Variants in BAIAP2L1 observed in about 807,000 individuals in gnomAD.
The protein encoded by BAIAP2L1 is BAR/IMD domain containing adaptor protein 2 like 1.
Under a neutral mutation model 66.3 loss-of-function variants are expected in BAIAP2L1, and 35 were observed. The ratio of observed to expected loss-of-function variants is 0.53; its 90% confidence interval spans 0.40 to 0.70. The LOEUF (loss-of-function observed/expected upper bound fraction) is 0.70. BAIAP2L1 is among the 30% of genes least tolerant of loss of function. BAIAP2L1 has a pLI of 0.00. For missense variants in BAIAP2L1, 622 were observed against 656.9 expected, an observed-to-expected ratio of 0.95 and a Z score of 0.58; for synonymous variants, 269 against 248.7, an observed-to-expected ratio of 1.08 and a Z score of -0.77.
chr7:98,400,714 G>A, intron 1 of BAIAP2L1, 88 bp downstream of exon 1: 1 of 1,434,254 alleles, frequency 7.0e-7, no homozygotes. Context: ...GAGCTGGAGG[G>A]AGGGAAAGTA....
At chr7:98,400,711 A>AG (rs1409407094) in intron 1 of BAIAP2L1, 91 bp downstream of exon 1, 9 of 1,406,352 alleles carry the variant, frequency 6.4e-6, no homozygotes, top group Non-Finnish European at 8.8e-6. Context: ...GGGGAGCTGG[A>AG]GGGAGGGAAA....
At chr7:98,345,592 G>A (rs1286146492) in intron 3 of BAIAP2L1, among the ~76,000 whole-genome samples, 1 of 152,064 alleles carries the variant, frequency 6.6e-6, no homozygotes, top group Non-Finnish European at 1.5e-5. Context: ...GGGTGTGGTG[G>A]GGGGGTACTG....
intron 3 of BAIAP2L1, among the ~76,000 whole-genome samples, chr7:98,330,211 A>T (rs542694864): frequency 4.3e-4 from 65 of 152,322 alleles, no homozygotes; most frequent in African/African-American, 1.3e-3. Context: ...TCAGACAGAG[A>T]ACTAACCACC....
At chr7:98,303,292 G>A (rs1400671000) in intron 12 of BAIAP2L1, among the ~76,000 whole-genome samples, 2 of 152,066 alleles carry the variant, frequency 1.3e-5, no homozygotes, top group Non-Finnish European at 2.9e-5. Context: ...CTAAGGCCCC[G>A]GACACAAGGT....
rs1799982005 is a variant in BAIAP2L1 at position 98,292,081 on chromosome 7, A to G, written c.*1440T>C. On this transcript the variant is annotated 3_prime_UTR_variant, in exon 14 of 14. Coordinates refer to ENST00000005260, the MANE Select transcript of BAIAP2L1 (RefSeq NM_018842.5). Reference sequence around the variant, plus strand: ...GGGGTGCCTGGTTTGTCCTCCCAGGAGAAGCAGATGGTAACACTGCTGGAC... The same window carrying G: ...GGGGTGCCTGGTTTGTCCTCCCAGGGGAAGCAGATGGTAACACTGCTGGAC... 1 of 153,804 alleles carries G rather than the reference A, an allele frequency of 6.5e-6. No individual in the cohort carries two copies. The highest frequency in any genetic ancestry group is 2.0e-4 in the South Asian group (1 of 5,006). The allele number at this position is 153,804 out of a possible 1,614,324, so 9.5% of individuals were successfully genotyped here.
chr7:98,371,797 CTT>C (rs201576582), intron 1 of BAIAP2L1, among the ~76,000 whole-genome samples: 32 of 140,190 alleles, frequency 2.3e-4, no homozygotes, highest in Non-Finnish European at 3.8e-4. Flanking sequence ...CTTTTAGTTT[CTT>C]TTTTTTTTTT....
intron 1 of BAIAP2L1, 46 bp from the exon 2 acceptor site, chr7:98,362,478 C>G (rs892814323): frequency 1.3e-6 from 2 of 1,541,312 alleles, no homozygotes; most frequent in Non-Finnish European, 1.8e-6. Flanking sequence ...AAAAAATAAA[C>G]CAAGTCATCT....
chr7:98,326,492 G>A (rs1055827691), intron 3 of BAIAP2L1, among the ~76,000 whole-genome samples: 12 of 152,230 alleles, frequency 7.9e-5, no homozygotes, highest in African/African-American at 2.2e-4. Flanking sequence ...ACTAACTAGC[G>A]GGTATGCCAC....
At position 98,388,989 on chromosome 7, in the gene BAIAP2L1, A is replaced by G. The variant is rs555262786; in HGVS notation, c.51+11813T>C. Among the ~76,000 whole-genome samples, 13 of 151,722 alleles carry G rather than the reference A, an allele frequency of 8.6e-5. 1 individual carries two copies. Among genetic ancestry groups the G allele is most frequent in the South Asian group, 2.1e-4 (1 of 4,808 alleles). ...TAAGAAATTAAAAAAAAAAAACAAA[A>G]AACAAACCATTCAAGTTTTATCCAA... On this transcript the variant is annotated intron_variant, in intron 1 of 13. Transcript: ENST00000005260.
intron 3 of BAIAP2L1, among the ~76,000 whole-genome samples, chr7:98,353,952 ACT>A (rs1192892211): frequency 2.1e-5 from 3 of 145,232 alleles, no homozygotes; most frequent in Non-Finnish European, 4.5e-5. Flanking sequence ...ACAGAGCAAG[ACT>A]CTGTCTCAAT....
Position 98,376,169 on chromosome 7 carries a change from T to C in BAIAP2L1, c.52-13737A>G, listed in dbSNP as rs571163342. Among the ~76,000 whole-genome samples the C allele has an allele frequency of 5.9e-5, 9 of 152,278 alleles. No homozygotes were observed. In the South Asian group the frequency reaches 1.9e-3, roughly 32 times the overall value. On this transcript the variant is annotated intron_variant, in intron 1 of 13. Coordinates refer to ENST00000005260, the MANE Select transcript of BAIAP2L1 (RefSeq NM_018842.5). ...CTACACGGTATCCCTTTATGATGGTTTAAGTGTCCACGTAGCAAAGCTACA... is the reference window on the plus strand; with the variant it reads ...CTACACGGTATCCCTTTATGATGGTCTAAGTGTCCACGTAGCAAAGCTACA...
rs1405987585 is a variant in BAIAP2L1, at chr7:98,377,767, C to G, written c.52-15335G>C. On this transcript the variant is annotated intron_variant, in intron 1 of 13. Coordinates refer to ENST00000005260, the MANE Select transcript of BAIAP2L1 (RefSeq NM_018842.5). ...TCAGGAGGCAGAGGCTGCAGTGAGCCAGTATCTCACCACTGACTCTCCAGC... is the reference window on the plus strand; with the variant it reads ...TCAGGAGGCAGAGGCTGCAGTGAGCGAGTATCTCACCACTGACTCTCCAGC... 2.3e-5 allele frequency among the ~76,000 whole-genome samples: 3 copies of G among 132,514 alleles called. No individual in the cohort carries two copies. In the South Asian group the frequency reaches 7.2e-4, roughly 32 times the overall value. The allele number at this position is 132,514 out of a possible 152,430, so 86.9% of individuals were successfully genotyped here. A position where few individuals can be genotyped will look rare whatever the true frequency, so the allele number is the denominator to read the frequency against.
Position 98,304,222 on chromosome 7 carries a change from C to G in BAIAP2L1, c.1396G>C (p.Ala466Pro). 6.2e-7 allele frequency: 1 copy of G among 1,609,528 alleles called. No individual in the cohort carries two copies. Among genetic ancestry groups the G allele is most frequent in the Non-Finnish European group, 8.5e-7 (1 of 1,177,730 alleles). The change falls in exon 12 of 14, where the codon GCG (alanine) becomes CCG (proline). Residue 466 changes from alanine to proline, a missense_variant. Coordinates refer to ENST00000005260, the MANE Select transcript of BAIAP2L1 (RefSeq NM_018842.5). ...ARTTSTFKAP[A>P]SKPETAAPND... ...GGAGCCGCGGTCTCGGGCTTGGACG[C>G]TGGGGCCTTAAAGGTGGATGTCGTC...
chr7:98,312,374 G>A, intron 7 of BAIAP2L1, 110 bp from the exon 8 acceptor site: 1 of 1,228,554 alleles, frequency 8.1e-7, no homozygotes, highest in Non-Finnish European at 1.1e-6. Context: ...AGCACCAGGA[G>A]TGTGGGGGCC....
At chr7:98,307,520 C>T (rs939903551) in intron 10 of BAIAP2L1, 169 bp downstream of exon 10, 24 of 1,449,352 alleles carry the variant, frequency 1.7e-5, no homozygotes, top group Non-Finnish European at 9.0e-6. Flanking sequence ...CACAGACATA[C>T]AGAAAATAGC....
intron 1 of BAIAP2L1, among the ~76,000 whole-genome samples, chr7:98,373,148 T>C (rs1802548415): frequency 1.3e-5 from 2 of 152,176 alleles, no homozygotes; most frequent in South Asian, 4.1e-4. Flanking sequence ...GCTCTTCCTT[T>C]AGGGAAAGTA....
Position 98,355,023 on chromosome 7 carries a change from AAAGG to A in BAIAP2L1, c.214+15_214+18del. ...AGGATGACAAGTGGGGTTTATGTAT[AAAGG>A]GACAGATCGCTCACCCAGTTCAGTT... On this transcript the variant is annotated intron_variant, in intron 3 of 13. Coordinates refer to ENST00000005260, the MANE Select transcript of BAIAP2L1 (RefSeq NM_018842.5). 1.3e-6 allele frequency: 2 copies of A among 1,595,160 alleles called. No homozygotes were observed. The highest frequency in any genetic ancestry group is 8.6e-7 in the Non-Finnish European group (1 of 1,162,758).
chr7:98,399,110 G>A (rs1406155442), intron 1 of BAIAP2L1, among the ~76,000 whole-genome samples: 1 of 152,098 alleles, frequency 6.6e-6, no homozygotes, highest in Non-Finnish European at 1.5e-5. Context: ...ACGTCTTCCG[G>A]GTCATTTAAA....
chr7:98,386,270 G>T lies in BAIAP2L1; in HGVS notation c.51+14532C>A, dbSNP rs572901747. 1.8e-4 allele frequency: 284 copies of T among 1,594,194 alleles called. 1 individual carries two copies. In the African/African-American group the frequency reaches 3.3e-3, roughly 19 times the overall value. On this transcript the variant is annotated intron_variant, in intron 1 of 13. Transcript: ENST00000005260. Reference sequence around the variant, plus strand: ...TTGACCATGGAACACATTTTGTCACGGGTAAGATCCATGCCATGGAAGTTA... The same window carrying T: ...TTGACCATGGAACACATTTTGTCACTGGTAAGATCCATGCCATGGAAGTTA...
Sources: gnomAD v4.1 joint callset for allele counts (sites outside exome capture counted in the v4.1 genomes callset) on GRCh38, gnomAD v4.1.1 for gene constraint, MANE v1.5 for transcripts, NCBI Gene and HGNC (gene_info 2026-07-23, HGNC 2026-07-21) for gene names.